Variants in OSBPL10 observed in about 807,000 individuals in gnomAD.
OSBPL10 encodes oxysterol binding protein like 10.
A neutral mutation model predicts 81.7 loss-of-function variants in OSBPL10; 49 were observed. The ratio of observed to expected loss-of-function variants is 0.60; its 90% CI spans 0.48 to 0.76. The LOEUF (loss-of-function observed/expected upper bound fraction) is 0.76. OSBPL10 is among the 30% of genes least tolerant of loss of function. The pLI, the probability that OSBPL10 is intolerant of heterozygous loss-of-function variation, is 0.00. For missense variants in OSBPL10, 923 were observed against 987.8 expected (o/e 0.93, Z 0.88); for synonymous variants, 419 against 383.6 (o/e 1.09, Z -1.08).
intron 2 of OSBPL10, among the ~76,000 whole-genome samples, chr3:32,010,589 T>C (rs568044657): frequency 6.6e-6 from 1 of 152,186 alleles, no homozygotes; most frequent in South Asian, 2.1e-4. Context: ...TGTCGGACAG[T>C]GGGTGCAGAA....
In OSBPL10 at chr3:31,664,269, G is replaced by A. The variant is rs764093287; in HGVS notation, c.2097-37C>T. The A allele has an allele frequency of 6.3e-5, 101 of 1,598,148 alleles. No homozygotes were observed. In the Admixed American group the frequency reaches 1.7e-3, roughly 27 times the overall value. On this transcript the variant is annotated intron_variant, in intron 10 of 11. Transcript: ENST00000396556. ...TGGAGGAGAGGAAACAATCAGCCAG[G>A]CCAGCTGGCTGCAAGCTAACGGAAC... is the stretch of plus-strand genomic sequence containing the variant.
At chr3:31,970,224 A>G (rs1177275908) in intron 1 of OSBPL10, among the ~76,000 whole-genome samples, 2 of 152,158 alleles carry the variant, frequency 1.3e-5, no homozygotes, top group South Asian at 2.1e-4. Flanking sequence ...CAAAAGAAGC[A>G]TATTCCTCCC....
chr3:31,768,157 T>A (rs185003755), intron 4 of OSBPL10, among the ~76,000 whole-genome samples: 26 of 152,310 alleles, frequency 1.7e-4, no homozygotes, highest in African/African-American at 6.0e-4. Context: ...ATGGTATTTG[T>A]AAACTGTCAT....
chr3:31,965,363 C>A, intron 1 of OSBPL10, among the ~76,000 whole-genome samples: 1 of 109,224 alleles, frequency 9.2e-6, no homozygotes, highest in Non-Finnish European at 1.7e-5. Flanking sequence ...GAGCAAGACT[C>A]CATCTCAAAA....
chr3:31,736,389 A>T (rs1048058189), intron 5 of OSBPL10, among the ~76,000 whole-genome samples: 1 of 152,212 alleles, frequency 6.6e-6, no homozygotes, highest in African/African-American at 2.4e-5. Flanking sequence ...TCACAACACT[A>T]AAACCAAAGG....
At chr3:31,792,860 CTGTGTGTGTG>C (rs6147757) in intron 4 of OSBPL10, among the ~76,000 whole-genome samples, 1,563 of 126,688 alleles carry the variant, frequency 0.012, 16 homozygotes, top group African/African-American at 0.023. Flanking sequence ...TCTAGGCACT[CTGTGTGTGTG>C]TGTGTGTGTG....
intron 1 of OSBPL10, among the ~76,000 whole-genome samples, chr3:31,893,538 A>T (rs1695962681): frequency 6.6e-6 from 1 of 152,242 alleles, no homozygotes; most frequent in Non-Finnish European, 1.5e-5. Context: ...AGAATCTACT[A>T]AACAGAAATT....
intron 7 of OSBPL10, among the ~76,000 whole-genome samples, chr3:31,693,279 G>A (rs1179940051): frequency 6.6e-6 from 1 of 152,112 alleles, no homozygotes; most frequent in Non-Finnish European, 1.5e-5. Context: ...CTCAAGCACA[G>A]CAATGTTAAT....
chr3:31,753,294 G>A (rs927141944), intron 4 of OSBPL10, among the ~76,000 whole-genome samples: 1 of 151,414 alleles, frequency 6.6e-6, no homozygotes, highest in African/African-American at 2.4e-5. Context: ...CTGGGTTTAA[G>A]TGATTCTCCT....
At chr3:31,805,622 A>G (rs1699500966) in intron 4 of OSBPL10, among the ~76,000 whole-genome samples, 1 of 152,230 alleles carries the variant, frequency 6.6e-6, no homozygotes, top group Admixed American at 6.5e-5. Flanking sequence ...ATAAAGTGAA[A>G]TGATCCACAC....
Position 31,964,791 on chromosome 3 carries a change from G to A in OSBPL10, c.281+16108C>T, listed in dbSNP as rs546488372. On this transcript the variant is annotated intron_variant, in intron 1 of 11. Transcript: ENST00000396556. ...CTCATCATTTAACTGACTTCATGTA[G>A]CAATACTCAGGAAAATTAAATGTAA... Among the ~76,000 whole-genome samples, 7 of 152,214 alleles carry A rather than the reference G, an allele frequency of 4.6e-5. 1 individual carries two copies. In the South Asian group the frequency reaches 1.4e-3, roughly 32 times the overall value.
At chr3:31,901,868 T>C (rs562538543) in intron 1 of OSBPL10, among the ~76,000 whole-genome samples, 1 of 152,116 alleles carries the variant, frequency 6.6e-6, no homozygotes, top group African/African-American at 2.4e-5. Context: ...CAAAACCCCA[T>C]CTCTAGTAAA....
rs1166612404 is a variant in OSBPL10 at position 31,661,563 on chromosome 3, C to T, written c.*509G>A. On this transcript the variant is annotated 3_prime_UTR_variant, in exon 12 of 12. Transcript: ENST00000396556. ...GAGGTGGGGAGGGAGGTGAGAATCA[C>T]AATAATTTTGAAATGATAACCACCC... is the stretch of plus-strand genomic sequence containing the variant. 6.6e-6 allele frequency: 1 copy of T among 152,152 alleles called. No individual in the cohort carries two copies. Among genetic ancestry groups the T allele is most frequent in the Non-Finnish European group, 1.5e-5 (1 of 68,060 alleles). The allele number at this position is 152,152 out of a possible 1,614,324, so 9.4% of individuals were successfully genotyped here.
At chr3:31,672,360 G>GT (rs1559408246) in intron 8 of OSBPL10, among the ~76,000 whole-genome samples, 1,955 of 93,878 alleles carry the variant, frequency 0.021, 39 homozygotes, top group Non-Finnish European at 0.031. Flanking sequence ...ATTTGCGGGG[G>GT]CGGGGGGGGG....
chr3:31,874,418 T>C (rs892273795), intron 3 of OSBPL10, among the ~76,000 whole-genome samples: 15 of 152,138 alleles, frequency 9.9e-5, no homozygotes, highest in African/African-American at 2.9e-4. Context: ...GCAAAAATTT[T>C]ATTCAAACTC....
intron 7 of OSBPL10, among the ~76,000 whole-genome samples, chr3:31,691,825 C>A (rs1225127043): frequency 6.6e-6 from 1 of 152,026 alleles, no homozygotes; most frequent in African/African-American, 2.4e-5. Context: ...AACAAGCAAG[C>A]AGAGAGGCCT....
chr3:31,809,627 C>T (rs1224493825), intron 4 of OSBPL10, among the ~76,000 whole-genome samples: 5 of 152,126 alleles, frequency 3.3e-5, no homozygotes, highest in African/African-American at 1.2e-4. Flanking sequence ...TGACTAAGGA[C>T]AATAAGGCTG....
intron 10 of OSBPL10, among the ~76,000 whole-genome samples, chr3:31,668,222 G>C (rs1700244199): frequency 6.6e-6 from 1 of 152,214 alleles, no homozygotes; most frequent in African/African-American, 2.4e-5. Context: ...ACAGGGTATA[G>C]AGTGTCAATT....
At chr3:32,015,925 T>C (rs570777024) in intron 2 of OSBPL10, among the ~76,000 whole-genome samples, 1 of 152,244 alleles carries the variant, frequency 6.6e-6, no homozygotes, top group African/African-American at 2.4e-5. Context: ...AGAATGGCGA[T>C]CATTAAAAAG....
Sources: allele counts gnomAD v4.1 joint callset (sites outside exome capture counted in the v4.1 genomes callset), GRCh38; gene constraint gnomAD v4.1.1; transcripts MANE v1.5; gene names NCBI Gene and HGNC (gene_info 2026-07-23, HGNC 2026-07-21).